SHROOM2: variants seen among roughly 807,000 people sequenced by gnomAD.
SHROOM2 encodes the protein protein Shroom2.
SHROOM2 carries 33 observed loss-of-function variants against 75.9 expected under a neutral mutation model. The ratio of observed to expected loss-of-function variants is 0.43; its 90% CI spans 0.33 to 0.58. The LOEUF (loss-of-function observed/expected upper bound fraction) is 0.58, where lower values mean the gene tolerates loss of function less well. Among genes scored for constraint, SHROOM2 ranks in the 20% least tolerant of loss-of-function variants. The pLI is 0.04. For missense variants in SHROOM2, 1,434 were observed against 1,461.2 expected, an observed-to-expected ratio of 0.98 and a Z score of 0.30; for synonymous variants, 655 against 663.6, an observed-to-expected ratio of 0.99 and a Z score of 0.20.
chrX:9,884,368 CTTTTTTT>C (rs1181815816), intron 2 of SHROOM2, among the ~76,000 whole-genome samples: 1 of 62,307 alleles, frequency 1.6e-5, no homozygotes, highest in Non-Finnish European at 3.1e-5. Context: ...TTTTTCTTTT[CTTTTTTT>C]TTTTTTTTTT....
At chrX:9,863,943 C>A (rs1239180268) in intron 1 of SHROOM2, among the ~76,000 whole-genome samples, 1 of 111,236 alleles carries the variant, frequency 9.0e-6, no homozygotes, top group Non-Finnish European at 1.9e-5. Context: ...TCATTGGATT[C>A]TTTTCCAGGT....
intron 2 of SHROOM2, among the ~76,000 whole-genome samples, chrX:9,875,079 T>TGAAAAAAAAAAAAA (rs1461476414): frequency 8.3e-4 from 1 of 1,202 alleles, no homozygotes; most frequent in Non-Finnish European, 3.6e-3. Flanking sequence ...AGACCCTGTC[T>TGAAAAAAAAAAAAA]CAAAAAAAAA....
chrX:9,885,106 C>A (rs1410961802), intron 2 of SHROOM2, among the ~76,000 whole-genome samples: 1 of 111,218 alleles, frequency 9.0e-6, no homozygotes, highest in Non-Finnish European at 1.9e-5. Context: ...GGAGAATGAT[C>A]ACAAAACCAG....
intron 5 of SHROOM2, among the ~76,000 whole-genome samples, chrX:9,917,677 C>T (rs912738509): frequency 4.5e-5 from 5 of 111,308 alleles, no homozygotes; most frequent in Admixed American, 1.9e-4. Flanking sequence ...TGCGCCACCA[C>T]GCCCAGCTAA....
At chrX:9,925,547 G>A (rs1160487521) in intron 5 of SHROOM2, among the ~76,000 whole-genome samples, 3 of 112,532 alleles carry the variant, frequency 2.7e-5, no homozygotes, top group Non-Finnish European at 5.6e-5. Context: ...CACGTTCCAT[G>A]CTCATGGAAA....
intron 1 of SHROOM2, among the ~76,000 whole-genome samples, chrX:9,872,300 C>T: frequency 8.8e-6 from 1 of 113,099 alleles, no homozygotes; most frequent in East Asian, 2.8e-4. Context: ...CACGGTGGCT[C>T]ACGCCTCTAA....
chrX:9,822,780 T>C (rs2083859570), intron 1 of SHROOM2, among the ~76,000 whole-genome samples: 1 of 111,547 alleles, frequency 9.0e-6, no homozygotes, highest in Admixed American at 9.5e-5. Flanking sequence ...GCTAGGCTGC[T>C]TCAACATGCT....
At chrX:9,869,692 T>G (rs1231040369) in intron 1 of SHROOM2, among the ~76,000 whole-genome samples, 1 of 112,635 alleles carries the variant, frequency 8.9e-6, no homozygotes, top group Non-Finnish European at 1.9e-5. Context: ...TGTATGTATA[T>G]GCCATATTTT....
At chrX:9,940,301 T>C (rs3788949) in intron 8 of SHROOM2, among the ~76,000 whole-genome samples, 42,886 of 110,714 alleles carry the variant, frequency 0.39, 7,634 homozygotes, top group African/African-American at 0.69. Flanking sequence ...TGAATTTGGG[T>C]CACACCCTAG....
At chrX:9,946,616 G>C in intron 9 of SHROOM2, 55 bp from the exon 10 acceptor site, 1 of 1,145,243 alleles carries the variant, frequency 8.7e-7, no homozygotes, top group Non-Finnish European at 1.2e-6. Context: ...TCAAGGGTTG[G>C]CCAGTGCCCC....
At chrX:9,815,571 CCTATAT>C (rs776124308) in intron 1 of SHROOM2, among the ~76,000 whole-genome samples, 235 of 96,511 alleles carry the variant, frequency 2.4e-3, no homozygotes, top group East Asian at 0.014. Context: ...ATATCTATAT[CCTATAT>C]CTATATCTAT....
chrX:9,887,845 G>T, intron 2 of SHROOM2, among the ~76,000 whole-genome samples: 1 of 112,928 alleles, frequency 8.9e-6, no homozygotes, highest in Non-Finnish European at 1.9e-5. Context: ...AGCTGAGATG[G>T]GGTTACTACA....
At chrX:9,803,905 G>A (rs2083737694) in intron 1 of SHROOM2, among the ~76,000 whole-genome samples, 2 of 111,166 alleles carry the variant, frequency 1.8e-5, no homozygotes, top group Admixed American at 9.6e-5. Context: ...TTTTATGTGC[G>A]TGTGGTGGAT....
intron 5 of SHROOM2, among the ~76,000 whole-genome samples, chrX:9,911,163 G>A (rs749829370): frequency 2.7e-5 from 3 of 111,634 alleles, no homozygotes; most frequent in Admixed American, 1.9e-4. Context: ...AAGAACACGG[G>A]CTTCGGAGTT....
At chrX:9,795,218 G>A (rs1193885960) in intron 1 of SHROOM2, among the ~76,000 whole-genome samples, 1 of 109,952 alleles carries the variant, frequency 9.1e-6, no homozygotes, top group Admixed American at 9.8e-5. Flanking sequence ...TTGAACTCCT[G>A]TGCTTAACTG....
rs1313872901 is a variant in SHROOM2, at chrX:9,946,713, G to A, written c.4627G>A (p.Glu1543Lys). 7 of 1,205,625 alleles carry A rather than the reference G, an allele frequency of 5.8e-6. No homozygotes were observed. Among genetic ancestry groups the A allele is most frequent in the Non-Finnish European group, 6.7e-6 (6 of 892,530 alleles). ...EKQRVLIQQH[E>K]DAKELKENLD... ...GCAGAGAGTCCTGATCCAGCAGCAC[G>A]AGGACGCCAAGGAGCTCAAGGAGAA... Residue 1543 changes from glutamate to lysine, a missense_variant, in exon 10 of 10, where the codon GAG (glutamate) becomes AAG (lysine). Around this residue, in one of 3 missense-constraint regions of SHROOM2, gnomAD observed 80 missense variants for 88.4 expected, o/e 0.90. Transcript: ENST00000380913.
At chrX:9,857,916 C>T (rs752075885) in intron 1 of SHROOM2, among the ~76,000 whole-genome samples, 1 of 110,843 alleles carries the variant, frequency 9.0e-6, no homozygotes, top group African/African-American at 3.3e-5. Context: ...GCCCAGTGCT[C>T]GAGGCTGTAG....
chrX:9,886,789 C>A (rs1166706587), intron 2 of SHROOM2, among the ~76,000 whole-genome samples: 1 of 111,992 alleles, frequency 8.9e-6, no homozygotes, highest in Non-Finnish European at 1.9e-5. Context: ...TTTTCATTGA[C>A]AAGTAATATT....
chrX:9,789,598 G>C (rs979476336), intron 1 of SHROOM2, among the ~76,000 whole-genome samples: 2 of 111,127 alleles, frequency 1.8e-5, no homozygotes, highest in African/African-American at 6.6e-5. Context: ...AGTCTTCAGT[G>C]GGGGGAGGGG....
Sources: gnomAD v4.1 joint callset for allele counts (sites outside exome capture counted in the v4.1 genomes callset) on GRCh38, gnomAD v4.1.1 for gene constraint, gnomAD v4.1.1 regional missense constraint, MANE v1.5 for transcripts, NCBI Gene and HGNC (gene_info 2026-07-23, HGNC 2026-07-21) for gene names.